The following ARHGAP6 variants were observed in gnomAD, a reference collection of about 807,000 sequenced individuals.
ARHGAP6 encodes Rho GTPase activating protein 6, also known as rho GTPase-activating protein 6.
A neutral mutation model predicts 55.7 loss-of-function variants in ARHGAP6; 16 were observed. The observed-to-expected ratio is 0.29, with a 90% CI of 0.19 to 0.44. ARHGAP6 has a LOEUF of 0.44. ARHGAP6 is among the 20% of genes least tolerant of loss of function. The pLI, the probability that ARHGAP6 is intolerant of heterozygous loss-of-function variation, is 1.00. For missense variants in ARHGAP6, 698 were observed against 808.9 expected, an observed-to-expected ratio of 0.86 and a Z score of 1.66; for synonymous variants, 382 against 360.9, an observed-to-expected ratio of 1.06 and a Z score of -0.66.
chrX:11,543,834 G>A (rs2051185530), intron 1 of ARHGAP6, among the ~76,000 whole-genome samples: 1 of 112,202 alleles, frequency 8.9e-6, no homozygotes, highest in Admixed American at 9.4e-5. Flanking sequence ...TAGAAAGAGG[G>A]ACAGAAAGAG....
intron 1 of ARHGAP6, chrX:11,298,370 A>G: frequency 9.0e-7 from 1 of 1,115,949 alleles, no homozygotes; most frequent in Non-Finnish European, 1.2e-6. Flanking sequence ...CTCCACATGC[A>G]GACATTAATG....
At chrX:11,341,561 T>A (rs938401115) in intron 1 of ARHGAP6, among the ~76,000 whole-genome samples, 2 of 112,040 alleles carry the variant, frequency 1.8e-5, no homozygotes, top group African/African-American at 3.3e-5. Flanking sequence ...GTGGGTTGAT[T>A]TCATAATAGT....
intron 1 of ARHGAP6, among the ~76,000 whole-genome samples, chrX:11,326,207 C>T (rs2048496251): frequency 9.3e-6 from 1 of 107,788 alleles, no homozygotes; most frequent in Admixed American, 1.0e-4. Flanking sequence ...CGGCTCACTG[C>T]AACCTCCGCC....
intron 1 of ARHGAP6, among the ~76,000 whole-genome samples, chrX:11,538,119 T>C (rs2051121814): frequency 1.8e-5 from 2 of 112,246 alleles, no homozygotes; most frequent in Non-Finnish European, 3.8e-5. Context: ...GAGTTGTCTC[T>C]TATAGCTTCT....
At chrX:11,357,241 G>C (rs1166986659) in intron 1 of ARHGAP6, among the ~76,000 whole-genome samples, 1 of 111,599 alleles carries the variant, frequency 9.0e-6, no homozygotes, top group Non-Finnish European at 1.9e-5. Flanking sequence ...AAACTGCATT[G>C]AATTGGGAAG....
chrX:11,464,910 G>A (rs2050278507), intron 1 of ARHGAP6, among the ~76,000 whole-genome samples: 1 of 111,885 alleles, frequency 8.9e-6, no homozygotes, highest in South Asian at 3.7e-4. Flanking sequence ...ATCTATCCAC[G>A]GCAAAGTCAG....
At chrX:11,190,178 A>T (rs2046435045) in intron 3 of ARHGAP6, among the ~76,000 whole-genome samples, 1 of 112,207 alleles carries the variant, frequency 8.9e-6, no homozygotes, top group South Asian at 3.7e-4. Context: ...TGCTACTTGA[A>T]AAGCCTGCAC....
In ARHGAP6 at chrX:11,138,709, T is replaced by G; in HGVS notation, c.*154A>C. 3 of 592,546 alleles carry G rather than the reference T, an allele frequency of 5.1e-6. No individual in the cohort carries two copies. Among genetic ancestry groups the G allele is most frequent in the Non-Finnish European group, 7.7e-6 (3 of 388,844 alleles). The allele number at this position is 592,546 out of a possible 1,213,427, so 48.8% of individuals were successfully genotyped here. On this transcript the variant is annotated 3_prime_UTR_variant, in exon 13 of 13. Transcript: ENST00000337414. ...TTATTCTCAATGGCGGGGGCGTGAG[T>G]GCTCTACCTCTGTAGGTGAACTGGA...
At chrX:11,456,480 G>C (rs971191063) in intron 1 of ARHGAP6, among the ~76,000 whole-genome samples, 3 of 111,724 alleles carry the variant, frequency 2.7e-5, no homozygotes, top group Admixed American at 9.5e-5. Flanking sequence ...CTTTGAAATG[G>C]GACAGAATTT....
intron 1 of ARHGAP6, among the ~76,000 whole-genome samples, chrX:11,648,515 T>G (rs903656140): frequency 8.9e-6 from 1 of 111,840 alleles, no homozygotes; most frequent in African/African-American, 3.2e-5. Context: ...CCTTTCCTCT[T>G]CCCGCTGAAG....
At chrX:11,641,798 G>T (rs906635273) in intron 1 of ARHGAP6, among the ~76,000 whole-genome samples, 1 of 111,440 alleles carries the variant, frequency 9.0e-6, no homozygotes, top group Non-Finnish European at 1.9e-5. Flanking sequence ...AGTTTTAACA[G>T]CCTCCCGGGA....
chrX:11,450,378 T>C (rs909954767), intron 1 of ARHGAP6, among the ~76,000 whole-genome samples: 4 of 112,070 alleles, frequency 3.6e-5, no homozygotes, highest in Admixed American at 2.8e-4. Context: ...AAACGTGTCA[T>C]TTCAACGTGC....
intron 1 of ARHGAP6, among the ~76,000 whole-genome samples, chrX:11,276,490 G>A (rs1421419565): frequency 1.8e-5 from 2 of 112,008 alleles, no homozygotes; most frequent in Admixed American, 9.5e-5. Context: ...TTATTTTAAA[G>A]TAGCTAAAAT....
intron 1 of ARHGAP6, among the ~76,000 whole-genome samples, chrX:11,394,111 A>G (rs1291304791): frequency 1.8e-5 from 2 of 111,873 alleles, no homozygotes; most frequent in Non-Finnish European, 3.8e-5. Flanking sequence ...TTCTCAATGA[A>G]AATTTCAGCA....
intron 1 of ARHGAP6, among the ~76,000 whole-genome samples, chrX:11,441,347 C>T (rs1413932841): frequency 1.8e-5 from 2 of 112,054 alleles, no homozygotes; most frequent in African/African-American, 3.2e-5. Flanking sequence ...TCTTTGCATA[C>T]TCTCCCCTGA....
At chrX:11,484,504 G>GAGAAAAAAGGAAGAAAAGAAGA (rs371491914) in intron 1 of ARHGAP6, among the ~76,000 whole-genome samples, 2,454 of 100,957 alleles carry the variant, frequency 0.024, 41 homozygotes, top group Middle Eastern at 0.054. Flanking sequence ...GAAGGAGGAA[G>GAGAAAAAAGGAAGAAAAGAAGA]AGAAAAAAGG....
intron 1 of ARHGAP6, among the ~76,000 whole-genome samples, chrX:11,417,888 G>T (rs1044859341): frequency 4.5e-5 from 5 of 111,192 alleles, no homozygotes; most frequent in African/African-American, 1.3e-4. Context: ...GAGGATAATA[G>T]GACCTATCTC....
chrX:11,215,504 C>T (rs1465834362), intron 2 of ARHGAP6, among the ~76,000 whole-genome samples: 1 of 113,104 alleles, frequency 8.8e-6, no homozygotes, highest in Admixed American at 9.2e-5. Flanking sequence ...CCACAGGAGA[C>T]TCGGGGCGGG....
At chrX:11,287,524 G>A (rs1177478092) in intron 1 of ARHGAP6, among the ~76,000 whole-genome samples, 1 of 112,173 alleles carries the variant, frequency 8.9e-6, no homozygotes, top group Non-Finnish European at 1.9e-5. Flanking sequence ...TAGCAAGCAA[G>A]GACAGTGGAT....
Sources: gnomAD v4.1 joint callset for allele counts (sites outside exome capture counted in the v4.1 genomes callset) on GRCh38, gnomAD v4.1.1 for gene constraint, MANE v1.5 for transcripts, NCBI Gene and HGNC (gene_info 2026-07-23, HGNC 2026-07-21) for gene names.